WDR70: variants seen among roughly 807,000 people sequenced by gnomAD.
The protein encoded by WDR70 is WD repeat-containing protein 70.
WDR70 carries 53 observed loss-of-function variants against 88.6 expected under a neutral mutation model. The ratio of observed to expected loss-of-function variants is 0.60; its 90% CI spans 0.48 to 0.75. WDR70 has a LOEUF of 0.75. Among genes scored for constraint, WDR70 ranks in the 30% least tolerant of loss-of-function variants. The pLI is 0.00. For missense variants in WDR70, 610 were observed against 823.2 expected (o/e 0.74, Z 3.17); for synonymous variants, 280 against 270.0 (o/e 1.04, Z -0.36).
chr5:37,648,908 A>T (rs1202082411), intron 10 of WDR70, among the ~76,000 whole-genome samples: 1 of 152,198 alleles, frequency 6.6e-6, no homozygotes, highest in Admixed American at 6.5e-5. Context: ...TATTAGTTTA[A>T]CACATTAATT....
At chr5:37,526,172 C>CA (rs1323583231) in intron 9 of WDR70, among the ~76,000 whole-genome samples, 2 of 152,044 alleles carry the variant, frequency 1.3e-5, no homozygotes, top group Non-Finnish European at 2.9e-5. Flanking sequence ...CTGGCAGAGA[C>CA]ACAACAAAAA....
chr5:37,388,874 G>A (rs1455762636), intron 3 of WDR70, among the ~76,000 whole-genome samples: 1 of 152,044 alleles, frequency 6.6e-6, no homozygotes, highest in Non-Finnish European at 1.5e-5. Flanking sequence ...GCAACATGGT[G>A]AGACCCCGTC....
At chr5:37,491,734 T>C (rs1740073078) in intron 8 of WDR70, among the ~76,000 whole-genome samples, 2 of 152,180 alleles carry the variant, frequency 1.3e-5, no homozygotes, top group African/African-American at 4.8e-5. Context: ...ATACTTTCTC[T>C]TAAGAACTTA....
intron 9 of WDR70, among the ~76,000 whole-genome samples, chr5:37,572,240 A>G (rs1742925931): frequency 3.3e-5 from 5 of 152,058 alleles, no homozygotes; most frequent in Admixed American, 3.3e-4. Context: ...ACACTGTGTA[A>G]GCCTGTGTCG....
chr5:37,651,128 A>G (rs1745399384), intron 10 of WDR70, among the ~76,000 whole-genome samples: 1 of 151,854 alleles, frequency 6.6e-6, no homozygotes, highest in African/African-American at 2.4e-5. Context: ...CCATCCCCCA[A>G]CAAGCCCCAG....
At chr5:37,437,883 T>C in intron 5 of WDR70, 39 bp from the exon 6 acceptor site, 1 of 1,576,670 alleles carries the variant, frequency 6.3e-7, no homozygotes, top group Non-Finnish European at 8.6e-7. Flanking sequence ...CACAAATATG[T>C]TATTTTACCA....
intron 10 of WDR70, among the ~76,000 whole-genome samples, chr5:37,694,118 C>A (rs1311425901): frequency 6.6e-6 from 1 of 152,144 alleles, no homozygotes; most frequent in East Asian, 1.9e-4. Flanking sequence ...CACTGATTAT[C>A]AGAGAAATGC....
intron 5 of WDR70, among the ~76,000 whole-genome samples, chr5:37,415,643 C>T (rs1384451747): frequency 2.7e-5 from 4 of 149,180 alleles, no homozygotes; most frequent in Non-Finnish European, 3.0e-5. Context: ...CCGGACGGGG[C>T]GGCTGGCCGG....
chr5:37,591,122 C>T (rs1743519269), intron 9 of WDR70, among the ~76,000 whole-genome samples: 1 of 152,082 alleles, frequency 6.6e-6, no homozygotes, highest in Non-Finnish European at 1.5e-5. Context: ...CACTTGAGCT[C>T]AGGAGTTTGA....
chr5:37,577,720 C>G (rs1743098874), intron 9 of WDR70, among the ~76,000 whole-genome samples: 1 of 152,056 alleles, frequency 6.6e-6, no homozygotes, highest in African/African-American at 2.4e-5. Flanking sequence ...AATGCTGACT[C>G]TCCCCAAGTG....
chr5:37,446,553 C>A (rs1738485873), intron 7 of WDR70, among the ~76,000 whole-genome samples: 1 of 152,188 alleles, frequency 6.6e-6, no homozygotes, highest in African/African-American at 2.4e-5. Flanking sequence ...TACAAGGCTA[C>A]AGGAACCAAA....
chr5:37,629,270 T>C (rs1407739341), intron 10 of WDR70, among the ~76,000 whole-genome samples: 1 of 152,210 alleles, frequency 6.6e-6, no homozygotes, highest in Non-Finnish European at 1.5e-5. Flanking sequence ...CCTGTTTGGG[T>C]TGAATCTGTT....
chr5:37,535,174 A>G (rs1483941445), intron 9 of WDR70, among the ~76,000 whole-genome samples: 2 of 152,074 alleles, frequency 1.3e-5, no homozygotes, highest in Non-Finnish European at 2.9e-5. Flanking sequence ...AGAGTAGGAG[A>G]GAGGGGTCTA....
At chr5:37,705,019 G>A (rs1177383941) in intron 13 of WDR70, among the ~76,000 whole-genome samples, 2 of 151,506 alleles carry the variant, frequency 1.3e-5, no homozygotes, top group Non-Finnish European at 3.0e-5. Context: ...TATAATTTGG[G>A]AGACTGGGTG....
At chr5:37,518,482 A>C (rs1045433859) in intron 9 of WDR70, among the ~76,000 whole-genome samples, 1 of 152,094 alleles carries the variant, frequency 6.6e-6, no homozygotes, top group Non-Finnish European at 1.5e-5. Context: ...GGCTTATTTC[A>C]TTTAATGTAA....
intron 10 of WDR70, among the ~76,000 whole-genome samples, chr5:37,687,241 G>T (rs1265800239): frequency 1.3e-5 from 2 of 152,046 alleles, no homozygotes; most frequent in African/African-American, 4.8e-5. Flanking sequence ...ATATACTTTT[G>T]TTTCTGGTTA....
intron 13 of WDR70, among the ~76,000 whole-genome samples, chr5:37,718,725 C>T (rs566957289): frequency 8.5e-5 from 13 of 152,258 alleles, no homozygotes; most frequent in Admixed American, 2.0e-4. Flanking sequence ...TCCAGCTCTA[C>T]CTAGCAAAGC....
chr5:37,486,564 CGAACTCCT>C (rs1739879017), intron 8 of WDR70, among the ~76,000 whole-genome samples: 1 of 151,830 alleles, frequency 6.6e-6, no homozygotes, highest in South Asian at 2.1e-4. Flanking sequence ...AGGCTGGTCT[CGAACTCCT>C]GACCTCATGT....
chr5:37,751,709 A>T (rs974452170), intron 17 of WDR70, among the ~76,000 whole-genome samples: 2 of 152,242 alleles, frequency 1.3e-5, no homozygotes, highest in Non-Finnish European at 2.9e-5. Context: ...GCTGTTTTTT[A>T]AAATAAAATC....
Sources: allele counts gnomAD v4.1 joint callset (sites outside exome capture counted in the v4.1 genomes callset), GRCh38; gene constraint gnomAD v4.1.1; transcripts MANE v1.5; gene names NCBI Gene and HGNC (gene_info 2026-07-23, HGNC 2026-07-21).